Variants in LPAR6 observed in about 807,000 individuals in gnomAD.
LPAR6 encodes the protein G-protein coupled purinergic receptor P2Y5.
Under a neutral mutation model 22.0 loss-of-function variants are expected in LPAR6, and 17 were observed. The ratio of observed to expected loss-of-function variants is 0.77; its 90% CI spans 0.53 to 1.16. LPAR6 has a LOEUF of 1.16. LPAR6 is among the 50% of genes most tolerant of loss of function. LPAR6 has a pLI of 0.00. For synonymous variants in LPAR6, 136 were observed against 139.8 expected, an observed-to-expected ratio of 0.97 and a Z score of 0.19; for missense variants, 384 against 406.9, an observed-to-expected ratio of 0.94 and a Z score of 0.48.
chr13:48,427,009 C>T, upstream of LPAR6: 1 of 152,810 alleles, frequency 6.5e-6, no homozygotes, highest in South Asian at 2.1e-4. Context: ...AGGTCCCATG[C>T]CCTTTTTAAA....
chr13:48,402,451 C>T (rs1037042897), intron 1 of LPAR6, among the ~76,000 whole-genome samples: 15 of 139,188 alleles, frequency 1.1e-4, no homozygotes, highest in Non-Finnish European at 2.1e-4. Flanking sequence ...AATCATAGCT[C>T]ACTGAAGCCT....
intron 1 of LPAR6, among the ~76,000 whole-genome samples, chr13:48,439,372 G>A (rs1202508772): frequency 2.0e-5 from 3 of 152,106 alleles, no homozygotes; most frequent in Non-Finnish European, 2.9e-5. Context: ...AATTTTGGTA[G>A]TGAGGTAGTG....
chr13:48,396,844 A>G (rs1948652560), intron 1 of LPAR6, among the ~76,000 whole-genome samples: 1 of 152,254 alleles, frequency 6.6e-6, no homozygotes, highest in Non-Finnish European at 1.5e-5. Flanking sequence ...GGATATGAAC[A>G]GACACTTCTC....
chr13:48,414,262 G>A (rs147133073), upstream of LPAR6, among the ~76,000 whole-genome samples: 1 of 151,540 alleles, frequency 6.6e-6, no homozygotes, highest in South Asian at 2.1e-4. Context: ...CAGGAGAATC[G>A]CTTGAACCTG....
intron 1 of LPAR6, among the ~76,000 whole-genome samples, chr13:48,390,404 G>A (rs1948601738): frequency 6.6e-6 from 1 of 152,146 alleles, no homozygotes; most frequent in Admixed American, 6.5e-5. Context: ...GGGAGTGCAT[G>A]AGGATCCTGG....
chr13:48,438,256 G>C (rs1037216626), intron 1 of LPAR6, among the ~76,000 whole-genome samples: 3 of 152,074 alleles, frequency 2.0e-5, no homozygotes, highest in Non-Finnish European at 4.4e-5. Context: ...ATCTAACTTA[G>C]TTGTCAAAAC....
At chr13:48,394,496 C>A (rs1288699099) in intron 1 of LPAR6, among the ~76,000 whole-genome samples, 4 of 152,186 alleles carry the variant, frequency 2.6e-5, no homozygotes, top group African/African-American at 7.2e-5. Context: ...AAGCTAAGAT[C>A]CACTGGCTTG....
chr13:48,425,196 G>A (rs981088924), intron 1 of LPAR6, among the ~76,000 whole-genome samples: 1 of 152,230 alleles, frequency 6.6e-6, no homozygotes, highest in Non-Finnish European at 1.5e-5. Flanking sequence ...ATGAAGGCTA[G>A]CCTTTACAGT....
Position 48,411,750 on chromosome 13 carries a change from GT to G in LPAR6, c.673del (p.Thr225LeufsTer4), listed in dbSNP as rs1254673157. On this transcript the variant is annotated frameshift_variant, in exon 1 of 1. Transcript: ENST00000620633. LOFTEE classifies it high-confidence loss of function. Reference protein sequence around the residue: ...VTLSRSKINKTKVLKMIFVHL... With the variant: ...VTLSRSKINKXKVLKMIFVHL... ...TACAAAAATCATTTTTAAAACCTTA[GT>G]TTTGTTTATTTTGCTTCTACTTAAT... The G allele has an allele frequency of 6.2e-7, 1 of 1,610,348 alleles. No homozygotes were observed.
At position 48,412,000 on chromosome 13, in the gene LPAR6, A is replaced by T; in HGVS notation, c.424T>A (p.Leu142Ile). ...NAKIVCTGVW[L>I]TVIGGSAPAV... ...GGTGCACTTCCTCCGATCACAGTTA[A>T]CCACACGCCAGTGCAAACAATCTTT... The change falls in exon 1 of 1, where the codon TTA becomes ATA. Residue 142 changes from leucine to isoleucine, a missense_variant. Physicochemically the swap from Leu to Ile is conservative, Grantham distance 5. Coordinates refer to ENST00000620633, the MANE Select transcript of LPAR6 (RefSeq NM_001162498.3). The T allele has an allele frequency of 6.2e-7, 1 of 1,610,050 alleles. No individual in the cohort carries two copies. Among genetic ancestry groups the T allele is most frequent in the Non-Finnish European group, 8.5e-7 (1 of 1,177,876 alleles).
At chr13:48,393,788 C>T (rs1392627289) in intron 1 of LPAR6, among the ~76,000 whole-genome samples, 1 of 152,088 alleles carries the variant, frequency 6.6e-6, no homozygotes, top group Non-Finnish European at 1.5e-5. Flanking sequence ...AATTTTGGTA[C>T]GTCACATAAA....
intron 1 of LPAR6, among the ~76,000 whole-genome samples, chr13:48,398,454 T>A (rs535714573): frequency 6.6e-5 from 10 of 152,224 alleles, no homozygotes; most frequent in Admixed American, 1.3e-4. Context: ...TTTCAAATCA[T>A]CTGGGCTTAA....
chr13:48,422,504 T>TA (rs1173331988), intron 2 of LPAR6: 2 of 152,256 alleles, frequency 1.3e-5, no homozygotes, highest in East Asian at 3.8e-4. Context: ...TCCCAATACT[T>TA]AAAGTATAAT....
In LPAR6 at chr13:48,397,125, C is replaced by G. The variant is rs116874061; in HGVS notation, n.115-7313G>C. ...ATCTAGAGCCAGAAATAATATTTGA[C>G]CCAGTAATCCCATTACTGAGCATAT... On this transcript the variant is annotated intron_variant and non_coding_transcript_variant, in intron 1 of 1. Coordinates refer to the LPAR6 transcript ENST00000462781. Among the ~76,000 whole-genome samples the G allele has an allele frequency of 5.5e-4, 83 of 152,276 alleles. No homozygotes were observed. In the East Asian group the frequency reaches 0.015, roughly 28 times the overall value.
downstream of LPAR6, chr13:48,408,714 T>C (rs1455489526): frequency 6.6e-6 from 1 of 152,226 alleles, no homozygotes; most frequent in Non-Finnish European, 1.5e-5. Flanking sequence ...GTTTGTTATC[T>C]GTTATGTATT....
chr13:48,436,842 C>T (rs1392373537), intron 1 of LPAR6, among the ~76,000 whole-genome samples: 1 of 152,162 alleles, frequency 6.6e-6, no homozygotes. Flanking sequence ...TAGGGTGGCA[C>T]AAAAACATTT....
At chr13:48,442,265 A>G (rs1949245125) in intron 1 of LPAR6, among the ~76,000 whole-genome samples, 1 of 151,612 alleles carries the variant, frequency 6.6e-6, no homozygotes, top group Non-Finnish European at 1.5e-5. Flanking sequence ...CAGTGGCACC[A>G]TCTCCACTCA....
upstream of LPAR6, among the ~76,000 whole-genome samples, chr13:48,417,694 A>T (rs1204187865): frequency 6.6e-6 from 1 of 152,020 alleles, no homozygotes; most frequent in Admixed American, 6.6e-5. Context: ...AACATAAATG[A>T]CCTGATGGAG....
intron 1 of LPAR6, among the ~76,000 whole-genome samples, chr13:48,402,342 G>A (rs986833434): frequency 3.1e-4 from 47 of 150,196 alleles, no homozygotes; most frequent in Admixed American, 3.0e-3. Context: ...GCCTGGGGAA[G>A]GGATGGAGAG....
Sources: gnomAD v4.1 joint callset for allele counts (sites outside exome capture counted in the v4.1 genomes callset) on GRCh38, gnomAD v4.1.1 for gene constraint, MANE v1.5 for transcripts, NCBI Gene and HGNC (gene_info 2026-07-23, HGNC 2026-07-21) for gene names.